ITGA8: variants seen among roughly 807,000 people sequenced by gnomAD.
ITGA8 encodes the protein integrin alpha-8.
A neutral mutation model predicts 142.3 loss-of-function variants in ITGA8; 91 were observed. That is an observed-to-expected ratio of 0.64 (90% CI 0.54 to 0.76). The LOEUF is 0.76. ITGA8 is among the 30% of genes least tolerant of loss of function. The probability of loss-of-function intolerance (pLI) is 0.00; values close to 1 mark genes in which losing one functional copy is unlikely to be tolerated. For missense variants in ITGA8, 1,406 were observed against 1,327.7 expected, an observed-to-expected ratio of 1.06 and a Z score of -0.92; for synonymous variants, 505 against 485.2, an observed-to-expected ratio of 1.04 and a Z score of -0.54.
chr10:15,643,715 A>G (rs1833911488), intron 13 of ITGA8, among the ~76,000 whole-genome samples: 1 of 152,238 alleles, frequency 6.6e-6, no homozygotes, highest in Non-Finnish European at 1.5e-5. Context: ...TGTCTATGTC[A>G]GTGCAAGCCG....
intron 2 of ITGA8, among the ~76,000 whole-genome samples, chr10:15,711,234 A>T (rs1008830882): frequency 6.6e-6 from 1 of 152,192 alleles, no homozygotes; most frequent in African/African-American, 2.4e-5. Context: ...ATGATCCTTT[A>T]TTTAAAGAAT....
At chr10:15,639,746 C>A (rs1833836962) in intron 13 of ITGA8, among the ~76,000 whole-genome samples, 1 of 152,322 alleles carries the variant, frequency 6.6e-6, no homozygotes, top group East Asian at 1.9e-4. Flanking sequence ...TTAAACATGT[C>A]ACTATAGTCT....
intron 23 of ITGA8, among the ~76,000 whole-genome samples, chr10:15,584,215 C>T (rs1046759888): frequency 1.3e-5 from 2 of 151,948 alleles, no homozygotes; most frequent in South Asian, 2.1e-4. Context: ...GAGAATCACT[C>T]GAACCCTGGA....
intron 13 of ITGA8, among the ~76,000 whole-genome samples, chr10:15,636,446 T>C (rs1833773327): frequency 6.6e-6 from 1 of 152,208 alleles, no homozygotes; most frequent in Admixed American, 6.5e-5. Context: ...GTGACAATAT[T>C]TGTTGTAAAA....
At chr10:15,684,985 C>A (rs759748924) in intron 3 of ITGA8, among the ~76,000 whole-genome samples, 2 of 152,196 alleles carry the variant, frequency 1.3e-5, no homozygotes, top group African/African-American at 2.4e-5. Flanking sequence ...TCTGGACGCA[C>A]TTCTCCATTT....
At chr10:15,680,245 T>TG (rs1834711444) in intron 4 of ITGA8, among the ~76,000 whole-genome samples, 1 of 100,268 alleles carries the variant, frequency 1.0e-5, no homozygotes, top group Non-Finnish European at 2.1e-5. Context: ...TTTTTTTTTT[T>TG]GAGATGGAGT....
Position 15,558,131 on chromosome 10 carries a change from G to T in ITGA8, c.2709C>A (p.Val903=), listed in dbSNP as rs532745123. ...CGACCACATGTACATCCCTCTTCCT[G>T]ACAAGATGAGGAATAGTAGAGTTTC... ...FLRNSTIPHL[V]RKRDVHVVEF... is the part of the protein sequence containing the mutation. The change falls in exon 26 of 30, where the codon GTC becomes GTA. Residue 903 remains valine (V), a synonymous_variant. Coordinates refer to ENST00000378076, the MANE Select transcript of ITGA8 (RefSeq NM_003638.3). 1.9e-6 allele frequency: 3 copies of T among 1,614,210 alleles called. No individual in the cohort carries two copies. The highest frequency in any genetic ancestry group is 3.3e-5 in the Admixed American group (2 of 60,026).
chr10:15,668,440 TACAGC>T, intron 8 of ITGA8, among the ~76,000 whole-genome samples: 1 of 149,524 alleles, frequency 6.7e-6, no homozygotes, highest in Non-Finnish European at 1.5e-5. Flanking sequence ...GTTTCCTGAA[TACAGC>T]ACACTGATGG....
At chr10:15,577,739 A>G (rs1376148623) in intron 23 of ITGA8, among the ~76,000 whole-genome samples, 3 of 152,152 alleles carry the variant, frequency 2.0e-5, no homozygotes, top group Non-Finnish European at 2.9e-5. Flanking sequence ...GAAGAAATCA[A>G]GCAAGCAACA....
chr10:15,587,503 G>A (rs985384119), intron 22 of ITGA8, among the ~76,000 whole-genome samples: 2 of 152,144 alleles, frequency 1.3e-5, no homozygotes, highest in African/African-American at 4.8e-5. Context: ...CTTCCTAACG[G>A]TTTATTTCTT....
At chr10:15,666,357 T>C (rs1459787386) in intron 8 of ITGA8, among the ~76,000 whole-genome samples, 9 of 152,180 alleles carry the variant, frequency 5.9e-5, no homozygotes, top group Non-Finnish European at 1.0e-4. Flanking sequence ...GTGATTTTTG[T>C]ACATTGATTT....
chr10:15,577,700 GT>G (rs982757268), intron 23 of ITGA8, among the ~76,000 whole-genome samples: 1 of 151,988 alleles, frequency 6.6e-6, no homozygotes, highest in African/African-American at 2.4e-5. Context: ...AGTGTTCATG[GT>G]TTTCAAAGTA....
At chr10:15,628,639 C>G (rs537624687) in intron 13 of ITGA8, among the ~76,000 whole-genome samples, 1 of 151,836 alleles carries the variant, frequency 6.6e-6, no homozygotes, top group Admixed American at 6.6e-5. Flanking sequence ...GCCAGATTCA[C>G]CTCTACTTCT....
At chr10:15,619,624 T>C (rs996753170) in intron 13 of ITGA8, among the ~76,000 whole-genome samples, 1 of 152,240 alleles carries the variant, frequency 6.6e-6, no homozygotes, top group Non-Finnish European at 1.5e-5. Flanking sequence ...ATTATAATGA[T>C]AAATTCTATC....
intron 14 of ITGA8, 66 bp from the exon 15 acceptor site, chr10:15,613,833 C>G: frequency 9.5e-7 from 1 of 1,050,174 alleles, no homozygotes. Flanking sequence ...CAGAAGCCCA[C>G]TTCACTGCAT....
chr10:15,547,981 C>G (rs969197401), intron 27 of ITGA8, among the ~76,000 whole-genome samples: 1 of 152,218 alleles, frequency 6.6e-6, no homozygotes, highest in South Asian at 2.1e-4. Context: ...GAAAAATGAC[C>G]AGTTCATCTT....
At chr10:15,548,328 A>G in intron 27 of ITGA8, 127 bp downstream of exon 27, 1 of 667,302 alleles carries the variant, frequency 1.5e-6, no homozygotes, top group Non-Finnish European at 2.6e-6. Flanking sequence ...CCTGGCCTCA[A>G]GTAATCCATC....
rs9333089 is a variant in ITGA8 at position 15,685,209 on chromosome 10, A to C, written c.445-1082T>G. Among the ~76,000 whole-genome samples the C allele has an allele frequency of 6.1e-3, 922 of 152,326 alleles. 8 individuals are homozygous for C. Among genetic ancestry groups the C allele is most frequent in the African/African-American group, 0.021 (887 of 41,568 alleles). On this transcript the variant is annotated intron_variant, in intron 3 of 29. Coordinates refer to ENST00000378076, the MANE Select transcript of ITGA8 (RefSeq NM_003638.3). ...GGCCCTCCTTGTTATGGAGAAATTT[A>C]TCGAGATAAACTCCAGTGCCCTCAG...
chr10:15,630,224 G>A (rs553312876), intron 13 of ITGA8, among the ~76,000 whole-genome samples: 1 of 152,016 alleles, frequency 6.6e-6, no homozygotes, highest in South Asian at 2.1e-4. Flanking sequence ...TAAAATAGTT[G>A]ACTGGATTTT....
Sources: allele counts gnomAD v4.1 joint callset (sites outside exome capture counted in the v4.1 genomes callset), GRCh38; gene constraint gnomAD v4.1.1; transcripts MANE v1.5; gene names NCBI Gene and HGNC (gene_info 2026-07-23, HGNC 2026-07-21).